The following ABTB3 variants were observed in gnomAD, a reference collection of about 807,000 sequenced individuals.
ABTB3 encodes ankyrin repeat and BTB domain containing 3.
the ABTB3 span, among the ~76,000 whole-genome samples, chr12:107,578,399 T>C: frequency 7.2e-6 from 1 of 139,676 alleles, no homozygotes; most frequent in African/African-American, 2.7e-5. Context: ...TTTTTTTTTT[T>C]TTTTTTTTTT....
chr12:107,478,758 C>A, the ABTB3 span, among the ~76,000 whole-genome samples: 3 of 152,020 alleles, frequency 2.0e-5, no homozygotes, highest in African/African-American at 7.3e-5. Context: ...GGAGAGAGGA[C>A]CCTGGTCTCA....
At chr12:107,411,956 G>A in the ABTB3 span, among the ~76,000 whole-genome samples, 7 of 152,300 alleles carry the variant, frequency 4.6e-5, no homozygotes, top group African/African-American at 1.7e-4. Context: ...CAGAGCCATA[G>A]AACAGTGACT....
chr12:107,473,754 A>G, the ABTB3 span, among the ~76,000 whole-genome samples: 1 of 151,452 alleles, frequency 6.6e-6, no homozygotes, highest in African/African-American at 2.4e-5. Flanking sequence ...CTTGGTGAAG[A>G]AGCCATATAT....
chr12:107,476,319 A>C, the ABTB3 span, among the ~76,000 whole-genome samples: 1 of 152,080 alleles, frequency 6.6e-6, no homozygotes, highest in African/African-American at 2.4e-5. Flanking sequence ...TGGTTTCCTG[A>C]AAAATCACAG....
chr12:107,489,974 A>T, the ABTB3 span, among the ~76,000 whole-genome samples: 2 of 152,198 alleles, frequency 1.3e-5, no homozygotes, highest in Non-Finnish European at 2.9e-5. Context: ...AGACTCCTTT[A>T]CATAGGGAGG....
chr12:107,545,647 A>G, the ABTB3 span, among the ~76,000 whole-genome samples: 46,220 of 152,126 alleles, frequency 0.3, 7,279 homozygotes, highest in East Asian at 0.38. Context: ...CAGGTCTCCC[A>G]CCATCCACAA....
the ABTB3 span, among the ~76,000 whole-genome samples, chr12:107,479,850 A>G: frequency 2.6e-5 from 4 of 152,176 alleles, no homozygotes; most frequent in South Asian, 2.1e-4. Context: ...TGTAGGCACT[A>G]TGATTAGCCC....
the ABTB3 span, among the ~76,000 whole-genome samples, chr12:107,613,382 C>G: frequency 6.6e-6 from 1 of 152,166 alleles, no homozygotes; most frequent in African/African-American, 2.4e-5. Flanking sequence ...GATCTTAAAG[C>G]TAATCTCAGA....
At chr12:107,376,982 A>G in the ABTB3 span, among the ~76,000 whole-genome samples, 2 of 152,054 alleles carry the variant, frequency 1.3e-5, no homozygotes, top group Non-Finnish European at 2.9e-5. Context: ...ATGAAGAAAA[A>G]GCGTCAGTGG....
At chr12:107,393,947 A>C in the ABTB3 span, among the ~76,000 whole-genome samples, 784 of 152,290 alleles carry the variant, frequency 5.1e-3, 7 homozygotes, top group African/African-American at 0.016. Flanking sequence ...AAAACAAAAA[A>C]AAAGAATGAA....
At chr12:107,447,533 A>G in the ABTB3 span, among the ~76,000 whole-genome samples, 1 of 151,966 alleles carries the variant, frequency 6.6e-6, no homozygotes, top group Non-Finnish European at 1.5e-5. Flanking sequence ...CCAAACCCAC[A>G]CCCCAAGCTG....
the ABTB3 span, among the ~76,000 whole-genome samples, chr12:107,414,620 C>T: frequency 1.2e-3 from 183 of 152,116 alleles, no homozygotes; most frequent in Non-Finnish European, 2.2e-3. Context: ...CACAATTGAT[C>T]ATCATTTGCA....
chr12:107,621,921 T>C, the ABTB3 span, among the ~76,000 whole-genome samples: 1 of 152,162 alleles, frequency 6.6e-6, no homozygotes. Context: ...TGGTGGGTGC[T>C]CCCATCGTTT....
At chr12:107,469,446 C>T in the ABTB3 span, among the ~76,000 whole-genome samples, 1 of 152,222 alleles carries the variant, frequency 6.6e-6, no homozygotes, top group Admixed American at 6.5e-5. Flanking sequence ...TTGATTTTCT[C>T]ATCCCTAAAA....
At chr12:107,580,950 G>A in the ABTB3 span, 1 of 1,551,660 alleles carries the variant, frequency 6.4e-7, no homozygotes. Flanking sequence ...CCTGCCCCGG[G>A]GTCACCGGTG....
chr12:107,405,799 G>T, the ABTB3 span, among the ~76,000 whole-genome samples: 1 of 152,218 alleles, frequency 6.6e-6, no homozygotes, highest in East Asian at 1.9e-4. Context: ...TCCTCCTAGG[G>T]CCCATCGTCT....
the ABTB3 span, among the ~76,000 whole-genome samples, chr12:107,415,524 T>C: frequency 0.11 from 16,079 of 151,568 alleles, 1,878 homozygotes; most frequent in East Asian, 0.43. Flanking sequence ...CTGGCTAACA[T>C]GGTGAAACCC....
At chr12:107,573,821 G>GC in the ABTB3 span, among the ~76,000 whole-genome samples, 1 of 152,128 alleles carries the variant, frequency 6.6e-6, no homozygotes, top group East Asian at 1.9e-4. Flanking sequence ...TTCGGATGAG[G>GC]CCCACCCATG....
At chr12:107,564,939 C>G in the ABTB3 span, among the ~76,000 whole-genome samples, 1 of 152,192 alleles carries the variant, frequency 6.6e-6, no homozygotes, top group Non-Finnish European at 1.5e-5. Flanking sequence ...AGAGTCCATA[C>G]CCAGGAAAAA....
Sources: gnomAD v4.1 joint callset for allele counts (sites outside exome capture counted in the v4.1 genomes callset) on GRCh38, gnomAD v4.1.1 for gene constraint, MANE v1.5 for transcripts, NCBI Gene and HGNC (gene_info 2026-07-23, HGNC 2026-07-21) for gene names.